ARHGEF10: variants seen among roughly 807,000 people sequenced by gnomAD.
ARHGEF10 encodes the protein Rho guanine nucleotide exchange factor 10.
Under a neutral mutation model 147.4 loss-of-function variants are expected in ARHGEF10, and 140 were observed. The ratio of observed to expected loss-of-function variants is 0.95; its 90% CI spans 0.83 to 1.09. The LOEUF is 1.09. ARHGEF10 is among the 50% of genes least tolerant of loss of function. ARHGEF10 has a pLI of 0.00. For missense variants in ARHGEF10, 2,222 were observed against 1,752.7 expected, an observed-to-expected ratio of 1.27 and a Z score of -4.78; for synonymous variants, 902 against 695.8, an observed-to-expected ratio of 1.30 and a Z score of -4.67.
chr8:1,879,938 C>G (rs1725176075), intron 8 of ARHGEF10, 110 bp from the exon 9 acceptor site: 1 of 817,840 alleles, frequency 1.2e-6, no homozygotes, highest in South Asian at 1.3e-5. Context: ...CCAGCCAGGA[C>G]AGGCCTGATG....
At chr8:1,897,845 A>G (rs1441356024) in intron 14 of ARHGEF10, among the ~76,000 whole-genome samples, 2 of 152,128 alleles carry the variant, frequency 1.3e-5, no homozygotes, top group Non-Finnish European at 2.9e-5. Flanking sequence ...AGACTCTCTC[A>G]TCCCATTTCA....
At chr8:1,898,382 G>C in intron 14 of ARHGEF10, 51 bp from the exon 15 acceptor site, 1 of 1,551,016 alleles carries the variant, frequency 6.4e-7, no homozygotes, top group Non-Finnish European at 8.9e-7. Flanking sequence ...CCAGGGGCAG[G>C]GAGGGCATGG....
intron 26 of ARHGEF10, among the ~76,000 whole-genome samples, chr8:1,936,882 G>A (rs984002816): frequency 2.0e-5 from 3 of 152,252 alleles, no homozygotes; most frequent in East Asian, 1.9e-4. Flanking sequence ...AGTGGGATGC[G>A]GGCTAATGCC....
rs115641205 is a variant in ARHGEF10, at chr8:1,851,873, T to C, written c.38-6087T>C. Among the ~76,000 whole-genome samples, 841 of 150,906 alleles carry C rather than the reference T, an allele frequency of 5.6e-3. 4 individuals carry two copies. The highest frequency in any genetic ancestry group is 0.019 in the African/African-American group (790 of 40,970). On this transcript the variant is annotated intron_variant, in intron 2 of 28. Coordinates refer to ENST00000349830, the MANE Select transcript of ARHGEF10 (RefSeq NM_014629.4). ...AGGCTGCAGTAAGCTGCGATCGCAA[T>C]ACTGCACTCCAGCGCGGGCAACAGA...
intron 26 of ARHGEF10, among the ~76,000 whole-genome samples, chr8:1,941,847 T>G (rs571956973): frequency 1.3e-5 from 2 of 152,344 alleles, no homozygotes; most frequent in East Asian, 3.9e-4. Context: ...TCCATTTGAA[T>G]GTTGAATGGC....
At chr8:1,876,520 C>A in intron 7 of ARHGEF10, 51 bp from the exon 8 acceptor site, 1 of 1,567,306 alleles carries the variant, frequency 6.4e-7, no homozygotes. Flanking sequence ...CACAAAACAG[C>A]CCACATGGAA....
chr8:1,950,469 A>T (rs1160639050), intron 27 of ARHGEF10, among the ~76,000 whole-genome samples: 1 of 152,144 alleles, frequency 6.6e-6, no homozygotes, highest in Non-Finnish European at 1.5e-5. Context: ...GGTACTTTGA[A>T]ACCAGTTAAA....
intron 1 of ARHGEF10, among the ~76,000 whole-genome samples, chr8:1,837,868 G>A (rs887606845): frequency 6.6e-6 from 1 of 152,186 alleles, no homozygotes; most frequent in East Asian, 1.9e-4. Context: ...GGGATACCAC[G>A]TTCCTCATGG....
At chr8:1,938,559 A>G (rs1813810439) in intron 26 of ARHGEF10, among the ~76,000 whole-genome samples, 1 of 152,240 alleles carries the variant, frequency 6.6e-6, no homozygotes, top group South Asian at 2.1e-4. Flanking sequence ...AAATAGTGCA[A>G]CATAGTGATT....
chr8:1,844,465 TGAGCAGTGGCCA>T (rs1804383791), intron 2 of ARHGEF10, among the ~76,000 whole-genome samples: 22 of 151,414 alleles, frequency 1.5e-4, no homozygotes, highest in South Asian at 6.2e-4. Context: ...AATCCAGGGG[TGAGCAGTGGCCA>T]CCCCAGAAAC....
At chr8:1,920,726 T>G (rs1812219727) in intron 18 of ARHGEF10, among the ~76,000 whole-genome samples, 1 of 152,182 alleles carries the variant, frequency 6.6e-6, no homozygotes, top group African/African-American at 2.4e-5. Context: ...TTATAAGCAT[T>G]CTGTAAGGAT....
At chr8:1,900,301 G>T (rs942765955) in intron 15 of ARHGEF10, among the ~76,000 whole-genome samples, 1 of 152,164 alleles carries the variant, frequency 6.6e-6, no homozygotes, top group Non-Finnish European at 1.5e-5. Flanking sequence ...CCGGGATTTT[G>T]AGGAGCCCGA....
At position 1,882,745 on chromosome 8, in the gene ARHGEF10, A is replaced by C. The variant is rs1585380805; in HGVS notation, c.1071A>C (p.Ala357=). Residue 357 remains alanine, a synonymous_variant, in exon 10 of 29, where the codon GCA becomes GCC. Transcript: ENST00000349830. The part of the protein sequence containing the change: ...RSFIRTKSLI[A]QDHRSSLEEE... ...TCATCAGGACCAAGTCTCTCATCGC[A>C]CAGGGTCCGTGCCTGCAGGTCTTCT... 3.4e-6 allele frequency: 5 copies of C among 1,451,376 alleles called. No homozygotes were observed. The East Asian group carries it at 1.8e-4, about 53-fold the overall frequency. 89.9% of individuals were successfully genotyped at this position (1,451,376 alleles called of 1,614,324 possible).
intron 26 of ARHGEF10, among the ~76,000 whole-genome samples, chr8:1,935,712 C>T (rs1813538185): frequency 6.6e-6 from 1 of 152,228 alleles, no homozygotes; most frequent in African/African-American, 2.4e-5. Flanking sequence ...CTAAGGGTAT[C>T]CATTGCAACC....
chr8:1,865,635 C>G (rs998294043), intron 5 of ARHGEF10, among the ~76,000 whole-genome samples: 2 of 152,250 alleles, frequency 1.3e-5, no homozygotes, highest in Admixed American at 6.5e-5. Context: ...CCCTCATCCT[C>G]AAGGTCCTGC....
At chr8:1,905,528 G>A (rs778543173) in intron 16 of ARHGEF10, 43 bp from the exon 17 acceptor site, 4 of 1,613,606 alleles carry the variant, frequency 2.5e-6, no homozygotes, top group Non-Finnish European at 8.5e-7. Flanking sequence ...TCTTTTCCGG[G>A]TAAACTGAAC....
At chr8:1,924,424 A>C (rs1812532357) in intron 21 of ARHGEF10, among the ~76,000 whole-genome samples, 2 of 152,198 alleles carry the variant, frequency 1.3e-5, no homozygotes, top group Non-Finnish European at 1.5e-5. Context: ...TGTGTAATGT[A>C]CTTATACACA....
rs1391834926 is a variant in ARHGEF10, at chr8:1,950,298, C to T, written c.3398-2407C>T. 3.9e-5 allele frequency among the ~76,000 whole-genome samples: 6 copies of T among 152,278 alleles called. No homozygotes were observed. In the East Asian group the frequency reaches 9.7e-4, roughly 25 times the overall value. ...GGACGGGCACGGGACGCCTGGATAG[C>T]GGCACTCACCGCAGCCTCTGGAATC... On this transcript the variant is annotated intron_variant, in intron 27 of 28. Coordinates refer to ENST00000349830, the MANE Select transcript of ARHGEF10 (RefSeq NM_014629.4).
chr8:1,946,076 A>G (rs901105647), intron 27 of ARHGEF10, among the ~76,000 whole-genome samples: 2 of 152,124 alleles, frequency 1.3e-5, no homozygotes, highest in African/African-American at 2.4e-5. Context: ...ACAGAGGCCT[A>G]TGTTTGTGAA....
Sources: allele counts gnomAD v4.1 joint callset (sites outside exome capture counted in the v4.1 genomes callset), GRCh38; gene constraint gnomAD v4.1.1; transcripts MANE v1.5; gene names NCBI Gene and HGNC (gene_info 2026-07-23, HGNC 2026-07-21).